Variants in CADM2 observed in about 807,000 individuals in gnomAD.
The protein encoded by CADM2 is cell adhesion molecule 2.
A neutral mutation model predicts 49.8 loss-of-function variants in CADM2; 12 were observed. The observed-to-expected ratio is 0.24, with a 90% CI of 0.15 to 0.39. The LOEUF (loss-of-function observed/expected upper bound fraction) is 0.39. Ranked by LOEUF, CADM2 falls within the 10% of genes least tolerant of loss-of-function variation. CADM2 has a pLI of 1.00. For missense variants in CADM2, 378 were observed against 492.3 expected, an observed-to-expected ratio of 0.77 and a Z score of 2.20; for synonymous variants, 214 against 175.4, an observed-to-expected ratio of 1.22 and a Z score of -1.74.
intron 1 of CADM2, among the ~76,000 whole-genome samples, chr3:85,721,050 T>G (rs1462831233): frequency 6.6e-6 from 1 of 152,208 alleles, no homozygotes; most frequent in African/African-American, 2.4e-5. Flanking sequence ...TTTTTCTCTG[T>G]AAATTCACCA....
At chr3:85,962,633 G>C (rs1724977331) in intron 8 of CADM2, among the ~76,000 whole-genome samples, 2 of 151,836 alleles carry the variant, frequency 1.3e-5, no homozygotes, top group South Asian at 4.1e-4. Context: ...TTACGAGATT[G>C]ATGAATATTG....
chr3:85,063,534 A>G (rs377365070), intron 1 of CADM2, among the ~76,000 whole-genome samples: 6 of 152,162 alleles, frequency 3.9e-5, no homozygotes, highest in Non-Finnish European at 8.8e-5. Context: ...AAGTATTTTG[A>G]TCTTAAACAG....
chr3:85,549,312 G>A (rs1012894333), intron 1 of CADM2, among the ~76,000 whole-genome samples: 1 of 152,060 alleles, frequency 6.6e-6, no homozygotes, highest in African/African-American at 2.4e-5. Flanking sequence ...ATAAACAACA[G>A]GCAAATGCAA....
chr3:84,959,757 A>G, intron 1 of CADM2, 89 bp downstream of exon 1: 1 of 1,231,128 alleles, frequency 8.1e-7, no homozygotes, highest in East Asian at 2.6e-5. Flanking sequence ...CTCCCCTCCC[A>G]GTCTCCCTGT....
At chr3:85,720,039 A>C (rs1559612675) in intron 1 of CADM2, among the ~76,000 whole-genome samples, 1 of 152,156 alleles carries the variant, frequency 6.6e-6, no homozygotes, top group Non-Finnish European at 1.5e-5. Context: ...TCTAATGTTC[A>C]ACTCAAGATC....
At chr3:85,694,108 A>G (rs73147218) in intron 1 of CADM2, among the ~76,000 whole-genome samples, 32,063 of 152,034 alleles carry the variant, frequency 0.21, 4,165 homozygotes, top group Middle Eastern at 0.29. Context: ...ACTTCAGACC[A>G]AGGGACAGTT....
At chr3:85,682,630 T>G (rs2066071769) in intron 1 of CADM2, among the ~76,000 whole-genome samples, 1 of 152,048 alleles carries the variant, frequency 6.6e-6, no homozygotes, top group African/African-American at 2.4e-5. Flanking sequence ...AAATAAACAT[T>G]TATACAGTAA....
chr3:85,105,821 A>G (rs1026189972), intron 1 of CADM2, among the ~76,000 whole-genome samples: 1 of 152,154 alleles, frequency 6.6e-6, no homozygotes, highest in Non-Finnish European at 1.5e-5. Context: ...GGAAATCATC[A>G]TTCTCAGTAA....
At chr3:85,540,494 C>T (rs1052876688) in intron 1 of CADM2, among the ~76,000 whole-genome samples, 7 of 152,138 alleles carry the variant, frequency 4.6e-5, no homozygotes, top group South Asian at 4.1e-4. Flanking sequence ...CAAATATGCT[C>T]ATCTGTGCTG....
intron 1 of CADM2, among the ~76,000 whole-genome samples, chr3:85,497,304 A>G (rs916373623): frequency 4.6e-5 from 7 of 152,116 alleles, no homozygotes; most frequent in Middle Eastern, 3.4e-3. Flanking sequence ...AAGAATACTG[A>G]CCCTCACTCT....
At chr3:85,822,118 C>T (rs908817249) in intron 3 of CADM2, among the ~76,000 whole-genome samples, 1 of 151,978 alleles carries the variant, frequency 6.6e-6, no homozygotes, top group African/African-American at 2.4e-5. Context: ...TATATAATCC[C>T]TTTGGATTGG....
chr3:86,045,071 G>A (rs113750443), intron 8 of CADM2, among the ~76,000 whole-genome samples: 1 of 150,176 alleles, frequency 6.7e-6, no homozygotes, highest in Admixed American at 6.7e-5. Context: ...GTGGTGGGAG[G>A]GGGGAGGGAT....
Position 85,337,848 on chromosome 3 carries a change from A to T in CADM2, c.61+378180A>T, listed in dbSNP as rs76010886. 2.6e-3 allele frequency among the ~76,000 whole-genome samples: 390 copies of T among 151,684 alleles called. 1 individual carries two copies. The highest frequency in any genetic ancestry group is 9.1e-3 in the African/African-American group (377 of 41,492). ...TCCTATCAAGATTTCTTTGTCTTAT[A>T]GGTTCTATTTATAAATAGTGTTATG... On this transcript the variant is annotated intron_variant, in intron 1 of 9. Transcript: ENST00000383699.
intron 5 of CADM2, among the ~76,000 whole-genome samples, chr3:85,910,804 A>T (rs975902893): frequency 6.6e-6 from 1 of 152,042 alleles, no homozygotes; most frequent in Non-Finnish European, 1.5e-5. Context: ...CAAGAACAAG[A>T]CATATCACAT....
intron 1 of CADM2, among the ~76,000 whole-genome samples, chr3:85,564,739 G>A (rs924033859): frequency 6.6e-6 from 1 of 151,968 alleles, no homozygotes; most frequent in African/African-American, 2.4e-5. Flanking sequence ...CTTAAAGACT[G>A]TAAATTATAG....
chr3:85,178,308 T>A (rs1488492412), intron 1 of CADM2, among the ~76,000 whole-genome samples: 1 of 151,894 alleles, frequency 6.6e-6, no homozygotes, highest in Admixed American at 6.6e-5. Context: ...TTATAATTGG[T>A]ACACATTATA....
chr3:86,061,144 C>T (rs1265916159), intron 8 of CADM2, among the ~76,000 whole-genome samples: 1 of 151,958 alleles, frequency 6.6e-6, no homozygotes, highest in Non-Finnish European at 1.5e-5. Flanking sequence ...CTAAAAGACA[C>T]TGAATGTTTG....
intron 1 of CADM2, among the ~76,000 whole-genome samples, chr3:85,464,364 A>C (rs569420799): frequency 1.2e-4 from 19 of 152,290 alleles, no homozygotes; most frequent in African/African-American, 4.6e-4. Context: ...GAAAAGTACA[A>C]AAAGAAAAGA....
intron 1 of CADM2, among the ~76,000 whole-genome samples, chr3:85,593,989 TG>T (rs1234872050): frequency 1.3e-5 from 2 of 151,228 alleles, no homozygotes; most frequent in African/African-American, 4.8e-5. Context: ...ATATAGTGAG[TG>T]AAAAAAAAAG....
Sources: allele counts gnomAD v4.1 joint callset (sites outside exome capture counted in the v4.1 genomes callset), GRCh38; gene constraint gnomAD v4.1.1; transcripts MANE v1.5; gene names NCBI Gene and HGNC (gene_info 2026-07-23, HGNC 2026-07-21).